Variants in MAPK10 observed in about 807,000 individuals in gnomAD.
MAPK10 encodes mitogen-activated protein kinase 10, also known as JNK3 alpha protein kinase.
Under a neutral mutation model 59.3 loss-of-function variants are expected in MAPK10, and 25 were observed. The ratio of observed to expected loss-of-function variants is 0.42; its 90% CI spans 0.31 to 0.59. MAPK10 has a LOEUF of 0.59. MAPK10 is among the 20% of genes least tolerant of loss of function. The pLI, the probability that MAPK10 is intolerant of heterozygous loss-of-function variation, is 0.15. For missense variants in MAPK10, 351 were observed against 568.9 expected (o/e 0.62, Z 3.90); for synonymous variants, 190 against 200.5 (o/e 0.95, Z 0.44).
chr4:86,524,818 T>A (rs1203962713), intron 1 of MAPK10, among the ~76,000 whole-genome samples: 2 of 148,510 alleles, frequency 1.3e-5, no homozygotes, highest in Admixed American at 1.4e-4. Context: ...AGCCTATCAC[T>A]CAACAAATAT....
At chr4:86,169,645 A>T (rs941308285) in intron 3 of MAPK10, among the ~76,000 whole-genome samples, 1 of 152,014 alleles carries the variant, frequency 6.6e-6, no homozygotes, top group Non-Finnish European at 1.5e-5. Context: ...ACTCTGCAGG[A>T]TATTATCCAG....
chr4:86,172,564 C>A (rs538418319), intron 3 of MAPK10, among the ~76,000 whole-genome samples: 10,435 of 136,070 alleles, frequency 0.077, 845 homozygotes, highest in African/African-American at 0.21. Flanking sequence ...TCACACTCTG[C>A]GGACTGTTGT....
At chr4:86,136,502 C>T (rs550471053) in intron 4 of MAPK10, among the ~76,000 whole-genome samples, 3 of 150,070 alleles carry the variant, frequency 2.0e-5, no homozygotes, top group Admixed American at 2.0e-4. Context: ...TTTTGTCCCA[C>T]CAGGCCTGCC....
intron 9 of MAPK10, among the ~76,000 whole-genome samples, chr4:86,083,130 G>A (rs1221263445): frequency 2.0e-5 from 3 of 152,170 alleles, no homozygotes; most frequent in African/African-American, 4.8e-5. Flanking sequence ...TTAAGAAGAC[G>A]TGTCTGGGGA....
intron 1 of MAPK10, among the ~76,000 whole-genome samples, chr4:86,470,372 A>T (rs916483179): frequency 6.6e-6 from 1 of 152,230 alleles, no homozygotes; most frequent in African/African-American, 2.4e-5. Flanking sequence ...TATTTTTATC[A>T]TACAAGATTG....
chr4:86,546,450 A>G (rs1236291474), intron 1 of MAPK10, among the ~76,000 whole-genome samples: 2 of 151,444 alleles, frequency 1.3e-5, no homozygotes, highest in Non-Finnish European at 2.9e-5. Flanking sequence ...CCAACTACTC[A>G]GGAGGCTGAG....
chr4:86,241,838 C>A lies in MAPK10; in HGVS notation c.-6-47431G>T, dbSNP rs141214588. 1.7e-3 allele frequency among the ~76,000 whole-genome samples: 261 copies of A among 152,292 alleles called. 2 individuals carry two copies. The highest frequency in any genetic ancestry group is 0.012 in the East Asian group (63 of 5,170). On this transcript the variant is annotated intron_variant, in intron 2 of 13. Coordinates refer to ENST00000641462, the MANE Select transcript of MAPK10 (RefSeq NM_138982.4). ...CTGAAGGCTACTTCTGTCAATTCCT[C>A]CATCTGATCCTCTGTCTAGTTCTTC...
At chr4:86,306,351 A>G (rs76236546) in intron 2 of MAPK10, among the ~76,000 whole-genome samples, 11,032 of 152,284 alleles carry the variant, frequency 0.072, 627 homozygotes, top group East Asian at 0.27. Flanking sequence ...TCTACTGTAC[A>G]TTCCAGAAAG....
At chr4:86,124,464 T>G (rs1580726348) in intron 4 of MAPK10, 3 of 150,688 alleles carry the variant, frequency 2.0e-5, no homozygotes, top group Admixed American at 2.0e-4. Flanking sequence ...CCTCTAAACT[T>G]TGGGTGCTTT....
rs1439154807 is a variant in MAPK10, at chr4:86,179,606, A to G, written c.66+14730T>C. Among the ~76,000 whole-genome samples the G allele has an allele frequency of 3.3e-5, 5 of 152,254 alleles. No homozygotes were observed. In the East Asian group the frequency reaches 9.6e-4, roughly 29 times the overall value. The stretch of plus-strand genomic sequence containing the variant: ...CCACCAGACTTCAAAATATACTACA[A>G]GGCTATAGTAACCAAAACAGCATGG... On this transcript the variant is annotated intron_variant, in intron 3 of 13. Transcript: ENST00000641462.
intron 1 of MAPK10, among the ~76,000 whole-genome samples, chr4:86,390,717 T>G (rs896803551): frequency 6.6e-6 from 1 of 152,172 alleles, no homozygotes; most frequent in Non-Finnish European, 1.5e-5. Context: ...ACATCACCCT[T>G]TTATGTCCAA....
chr4:86,555,006 A>G lies in MAPK10; in HGVS notation c.-263+38904T>C, dbSNP rs181221276. ...CTTTCTTCCTCTTCTGTATATAACA[A>G]ATTCTCATTCTGTCTTCTAGACTAT... On this transcript the variant is annotated intron_variant, in intron 1 of 4. Transcript: ENST00000502302. Among the ~76,000 whole-genome samples the G allele has an allele frequency of 3.3e-5, 5 of 152,276 alleles. No individual in the cohort carries two copies. In the East Asian group the frequency reaches 9.6e-4, roughly 29 times the overall value.
chr4:86,547,329 C>G (rs968418544), intron 1 of MAPK10, among the ~76,000 whole-genome samples: 1 of 152,298 alleles, frequency 6.6e-6, no homozygotes, highest in Non-Finnish European at 1.5e-5. Flanking sequence ...GGGAGAGGCG[C>G]TGGGGGGAAC....
intron 4 of MAPK10, among the ~76,000 whole-genome samples, chr4:86,138,399 G>A (rs2062753870): frequency 1.9e-5 from 2 of 104,030 alleles, no homozygotes; most frequent in Non-Finnish European, 4.0e-5. Context: ...ATCAATAAAT[G>A]TAATCCAGCA....
chr4:86,273,090 T>G (rs1294410542), intron 2 of MAPK10, among the ~76,000 whole-genome samples: 1 of 152,102 alleles, frequency 6.6e-6, no homozygotes, highest in Admixed American at 6.6e-5. Flanking sequence ...CAACATTTAA[T>G]TATGGAATCT....
chr4:86,163,475 C>T (rs542270157), intron 3 of MAPK10, among the ~76,000 whole-genome samples: 7 of 152,140 alleles, frequency 4.6e-5, no homozygotes, highest in African/African-American at 1.2e-4. Flanking sequence ...TCTAGTTATA[C>T]ATTTTAGTGT....
chr4:86,459,872 A>T (rs1262347124), intron 1 of MAPK10, among the ~76,000 whole-genome samples: 1 of 152,096 alleles, frequency 6.6e-6, no homozygotes, highest in Non-Finnish European at 1.5e-5. Flanking sequence ...CGAAGAACTT[A>T]CTCATGTAAC....
intron 2 of MAPK10, chr4:86,336,536 G>C (rs1328009677): frequency 6.6e-6 from 1 of 152,150 alleles, no homozygotes; most frequent in African/African-American, 2.4e-5. Flanking sequence ...ATCATCAAGA[G>C]AGGGAGAATA....
chr4:86,401,490 C>T lies in MAPK10; in HGVS notation c.-121-46846G>A, dbSNP rs540141012. Among the ~76,000 whole-genome samples the T allele has an allele frequency of 5.3e-5, 8 of 152,274 alleles. No individual in the cohort carries two copies. In the East Asian group the frequency reaches 1.5e-3, roughly 29 times the overall value. ...TTGAGATAACTAAAAGCACTGTATA[C>T]AAACTGCCACAAGATAAATTTCTTA... On this transcript the variant is annotated intron_variant, in intron 1 of 13. Coordinates refer to the MAPK10 transcript ENST00000361569.
Sources: allele counts gnomAD v4.1 joint callset (sites outside exome capture counted in the v4.1 genomes callset), GRCh38; gene constraint gnomAD v4.1.1; transcripts MANE v1.5; gene names NCBI Gene and HGNC (gene_info 2026-07-23, HGNC 2026-07-21).